Variants in COMP observed in about 807,000 individuals in gnomAD.
The protein encoded by COMP is cartilage oligomeric matrix protein, also known as cartilage oligomeric matrix protein (pseudoachondroplasia, epiphyseal dysplasia 1, multiple).
A neutral mutation model predicts 95.8 loss-of-function variants in COMP; 79 were observed. That is an observed-to-expected ratio of 0.82 (90% confidence interval 0.69 to 0.99). The LOEUF is 0.99. Among genes scored for constraint, COMP ranks in the 50% least tolerant of loss-of-function variants. COMP has a pLI of 0.00. For missense variants in COMP, 906 were observed against 1,076.1 expected, an observed-to-expected ratio of 0.84 and a Z score of 2.21; for synonymous variants, 438 against 433.9, an observed-to-expected ratio of 1.01 and a Z score of -0.12.
At chr19:18,785,424 C>T (rs978526233) in intron 15 of COMP, 74 bp downstream of exon 15, 207 of 1,588,168 alleles carry the variant, frequency 1.3e-4, no homozygotes, top group Non-Finnish European at 1.7e-4. Context: ...ATTCTCAGCC[C>T]GGGCCTGCCC....
At chr19:18,790,967 TG>T in intron 1 of COMP, 32 bp from the exon 2 acceptor site, 1 of 1,547,854 alleles carries the variant, frequency 6.5e-7, no homozygotes. Context: ...TGAGGCGTCA[TG>T]GGGCCGGGGA....
chr19:18,785,366 TG>T (rs2055157766), intron 15 of COMP, 131 bp downstream of exon 15: 1 of 459,432 alleles, frequency 2.2e-6, no homozygotes, highest in Non-Finnish European at 3.7e-6. Flanking sequence ...CCCGCCCCTC[TG>T]TCCCCGCCCT....
In COMP at chr19:18,784,503, C is replaced by T. The variant is rs543513984; in HGVS notation, c.1915-140G>A. 2 of 962,638 alleles carry T rather than the reference C, an allele frequency of 2.1e-6. No individual in the cohort carries two copies. The highest frequency in any genetic ancestry group is 2.6e-5 in the East Asian group (1 of 38,356). The allele number at this position is 962,638 out of a possible 1,614,324, so 59.6% of individuals were successfully genotyped here. ...GATGAGAGACCCACAAGGAAGCCTT[C>T]TTCAGGGGCCAAATGGCAGCTTGGG... On this transcript the variant is annotated intron_variant, in intron 16 of 18. Coordinates refer to ENST00000222271, the MANE Select transcript of COMP (RefSeq NM_000095.3). This position sits in a 1 kb window ranked among gnomAD's most constrained non-coding sequence, Gnocchi z 4.9.
chr19:18,785,145 G>C, intron 15 of COMP, 53 bp from the exon 16 acceptor site: 1 of 1,579,698 alleles, frequency 6.3e-7, no homozygotes, highest in Non-Finnish European at 8.7e-7. Context: ...CCAGCCCCCG[G>C]AACCTGGCAC....
At position 18,784,272 on chromosome 19, in the gene COMP, T is replaced by C. The variant is rs769045091; in HGVS notation, c.2006A>G (p.Lys669Arg). The C allele has an allele frequency of 6.2e-7, 1 of 1,613,954 alleles. No homozygotes were observed. The highest frequency in any genetic ancestry group is 2.2e-5 in the East Asian group (1 of 44,890). ...CTTCCAACCCACGTTTCGCGGGTCC[T>C]TCCACAGCAGCCGCACCTGGGACTC... Reference protein sequence around the residue: ...DTESQVRLLWKDPRNVGWKDK... With the variant: ...DTESQVRLLWRDPRNVGWKDK... Residue 669 changes from lysine to arginine, a missense_variant, in exon 17 of 19, where the codon AAG (lysine) becomes AGG (arginine). Coordinates refer to ENST00000222271, the MANE Select transcript of COMP (RefSeq NM_000095.3). The surrounding 1 kb of genome is among the most constrained non-coding windows in gnomAD (Gnocchi z 4.9).
Position 18,784,071 on chromosome 19 carries a change from G to A in COMP, c.2087+120C>T. ...AGCATAGGCTCATTCTAACTGCCCT[G>A]TATCTTTCCTATCGTACAGATGAGG... On this transcript the variant is annotated intron_variant, in intron 17 of 18. Coordinates refer to ENST00000222271, the MANE Select transcript of COMP (RefSeq NM_000095.3). This position sits in a 1 kb window ranked among gnomAD's most constrained non-coding sequence, Gnocchi z 4.9. The A allele has an allele frequency of 1.7e-6, 2 of 1,146,824 alleles. No homozygotes were observed. Among genetic ancestry groups the A allele is most frequent in the Non-Finnish European group, 2.6e-6 (2 of 768,118 alleles). The allele number at this position is 1,146,824 out of a possible 1,614,324, so 71.0% of individuals were successfully genotyped here.
intron 15 of COMP, 82 bp from the exon 16 acceptor site, chr19:18,785,174 C>A: frequency 7.4e-7 from 1 of 1,359,816 alleles, no homozygotes; most frequent in Non-Finnish European, 1.0e-6. Flanking sequence ...CAAACCTGCC[C>A]CCTGGGTCCC....
intron 9 of COMP, among the ~76,000 whole-genome samples, 186 bp from the exon 10 acceptor site, chr19:18,787,836 CTG>C (rs1243303425): frequency 1.5e-5 from 2 of 131,114 alleles, no homozygotes; most frequent in Non-Finnish European, 3.2e-5. Context: ...GCTCACAGCT[CTG>C]TCTTTTCTTT....
At position 18,789,811 on chromosome 19, in the gene COMP, C is replaced by T; in HGVS notation, c.390+131G>A. On this transcript the variant is annotated intron_variant, in intron 4 of 18. Coordinates refer to ENST00000222271, the MANE Select transcript of COMP (RefSeq NM_000095.3). This position sits in a 1 kb window ranked among gnomAD's most constrained non-coding sequence, Gnocchi z 6.1. ...CCCCGCGGTAAGGAGGTAGTCTGGC[C>T]GTGCGCCCCCGGAGGTGAGAGGCTC... 1 of 1,177,106 alleles carries T rather than the reference C, an allele frequency of 8.5e-7. No individual in the cohort carries two copies. Among genetic ancestry groups the T allele is most frequent in the South Asian group, 1.3e-5 (1 of 76,526 alleles). The allele number at this position is 1,177,106 out of a possible 1,614,324, so 72.9% of individuals were successfully genotyped here. A position where few individuals can be genotyped will look rare whatever the true frequency, so the allele number is the denominator to read the frequency against.
At chr19:18,787,998 G>A (rs1480993206) in intron 9 of COMP, among the ~76,000 whole-genome samples, 1 of 151,412 alleles carries the variant, frequency 6.6e-6, no homozygotes, top group Admixed American at 6.6e-5. Flanking sequence ...CCGCCTCCCG[G>A]GTTCAAGCGA....
chr19:18,790,813 TC>T, intron 2 of COMP, 36 bp downstream of exon 2: 1 of 1,554,032 alleles, frequency 6.4e-7, no homozygotes, highest in Non-Finnish European at 8.7e-7. Flanking sequence ...CCCCTTCCGT[TC>T]CCTGGCACTC....
chr19:18,789,673 G>A lies in COMP; in HGVS notation c.390+269C>T, dbSNP rs58794893. On this transcript the variant is annotated intron_variant, in intron 4 of 18. Transcript: ENST00000222271. The surrounding 1 kb of genome is among the most constrained non-coding windows in gnomAD (Gnocchi z 6.1). ...CTGCGGCGAGGAGGGTAGCTGGGGC[G>A]GACCACCCCTGGCGGTGAGGGAGTC... is the stretch of plus-strand genomic sequence containing the variant. Among the ~76,000 whole-genome samples, 96 of 151,528 alleles carry A rather than the reference G, an allele frequency of 6.3e-4. No individual in the cohort carries two copies. The highest frequency in any genetic ancestry group is 6.6e-4 in the Admixed American group (10 of 15,228).
At position 18,785,668 on chromosome 19, in the gene COMP, C is replaced by T. The variant is rs1342984737; in HGVS notation, c.1668+5G>A. The T allele has an allele frequency of 6.2e-7, 1 of 1,613,458 alleles. No homozygotes were observed. ...CATCACCCCCCACGTGGACCCCGCTCCCACCTGGTTGAGCACCACCCAGTT... is the reference window on the plus strand; with the variant it reads ...CATCACCCCCCACGTGGACCCCGCTTCCACCTGGTTGAGCACCACCCAGTT... On this transcript the variant is annotated splice_donor_5th_base_variant and intron_variant, in intron 14 of 18. Coordinates refer to ENST00000222271, the MANE Select transcript of COMP (RefSeq NM_000095.3).
chr19:18,782,809 C>G lies in COMP; in HGVS notation c.*106G>C. On this transcript the variant is annotated 3_prime_UTR_variant, in exon 19 of 19. Transcript: ENST00000222271. ...ACACTTTATTTTGTCCTCTCTGAGC[C>G]CTTCTCACTTCCCCCTCAGGACGGC... 1.6e-6 allele frequency: 2 copies of G among 1,272,224 alleles called. No individual in the cohort carries two copies. Among genetic ancestry groups the G allele is most frequent in the Admixed American group, 1.7e-5 (1 of 57,516 alleles). 78.8% of individuals were successfully genotyped at this position (1,272,224 alleles called of 1,614,324 possible). A position where few individuals can be genotyped will look rare whatever the true frequency, so the allele number is the denominator to read the frequency against.
rs1568555757 is a variant in COMP, at chr19:18,787,866, C to CTTTTTCTT, written c.976-217_976-216insAAGAAAAA. 3.4e-3 allele frequency among the ~76,000 whole-genome samples: 329 copies of CTTTTTCTT among 96,924 alleles called. 7 individuals are homozygous for CTTTTTCTT. Among genetic ancestry groups the CTTTTTCTT allele is most frequent in the African/African-American group, 0.013 (284 of 22,550 alleles). The allele number at this position is 96,924 out of a possible 152,430, so 63.6% of individuals were successfully genotyped here. On this transcript the variant is annotated intron_variant, in intron 9 of 18. Coordinates refer to ENST00000222271, the MANE Select transcript of COMP (RefSeq NM_000095.3). Reference sequence around the variant, plus strand: ...TTTTCTTTTTTCTTTTTCTTTTTCTCTTTCTTTCTTTCTTTCTTTCTTTCT... The same window carrying CTTTTTCTT: ...TTTTCTTTTTTCTTTTTCTTTTTCTCTTTTTCTTTTTCTTTCTTTCTTTCTTTCTTTCT...
Position 18,784,317 on chromosome 19 carries a change from A to G in COMP, c.1961T>C (p.Leu654Pro). 6.2e-7 allele frequency: 1 copy of G among 1,614,142 alleles called. No homozygotes were observed. Among genetic ancestry groups the G allele is most frequent in the Non-Finnish European group, 8.5e-7 (1 of 1,180,050 alleles). Reference protein sequence around the residue: ...TGPGEQLRNALWHTGDTESQV... With the variant: ...TGPGEQLRNAPWHTGDTESQV... ...GGACTCTGTGTCTCCTGTATGCCAC[A>G]GAGCGTTCCGCAGCTGTTCCCCGGG... is the stretch of plus-strand genomic sequence containing the variant. Residue 654 changes from leucine to proline, a missense_variant, in exon 17 of 19, where the codon CTG becomes CCG. By Grantham distance (98) the Leu-to-Pro change is moderately conservative (BLOSUM62 -3). Coordinates refer to ENST00000222271, the MANE Select transcript of COMP (RefSeq NM_000095.3). The surrounding 1 kb of genome is among the most constrained non-coding windows in gnomAD (Gnocchi z 4.9).
chr19:18,790,480 C>T, intron 3 of COMP, 82 bp downstream of exon 3: 1 of 1,575,078 alleles, frequency 6.3e-7, no homozygotes, highest in Non-Finnish European at 8.7e-7. Context: ...TTTTCCTCCC[C>T]AGCTTTCCCT....
intron 2 of COMP, 86 bp from the exon 3 acceptor site, chr19:18,790,699 AC>A: frequency 6.2e-7 from 1 of 1,611,060 alleles, no homozygotes; most frequent in Non-Finnish European, 8.5e-7. Flanking sequence ...GTCCCTTTCT[AC>A]AGCCTCTTTT....
Position 18,782,964 on chromosome 19 carries a change from G to A in COMP, c.2228-3C>T, listed in dbSNP as rs769440522. 1.2e-6 allele frequency: 2 copies of A among 1,612,730 alleles called. No individual in the cohort carries two copies. The highest frequency in any genetic ancestry group is 1.1e-5 in the South Asian group (1 of 91,072). On this transcript the variant is annotated splice_region_variant and splice_polypyrimidine_tract_variant and intron_variant, in intron 18 of 18. Coordinates refer to ENST00000222271, the MANE Select transcript of COMP (RefSeq NM_000095.3). The stretch of plus-strand genomic sequence containing the variant: ...CTCATAGTCCTCTGGGATGGTGTCT[G>A]CAGGGAGAGGGCAGGCGGGTGAGGG...
Sources: gnomAD v4.1 joint callset for allele counts (sites outside exome capture counted in the v4.1 genomes callset) on GRCh38, gnomAD v4.1.1 for gene constraint, Gnocchi (gnomAD v3.1) non-coding constraint, MANE v1.5 for transcripts, NCBI Gene and HGNC (gene_info 2026-07-23, HGNC 2026-07-21) for gene names.